Variants in CBR4 observed in about 807,000 individuals in gnomAD.
CBR4 encodes carbonyl reductase 4.
CBR4 carries 22 observed loss-of-function variants against 21.0 expected under a neutral mutation model. That is an observed-to-expected ratio of 1.05 (90% CI 0.75 to 1.50). The LOEUF (loss-of-function observed/expected upper bound fraction) is 1.50, where lower values mean the gene tolerates loss of function less well. Among genes scored for constraint, CBR4 ranks in the 40% most tolerant of loss-of-function variants. The pLI is 0.00. For missense variants in CBR4, 302 were observed against 286.3 expected (o/e 1.05, Z -0.40); for synonymous variants, 100 against 104.4 (o/e 0.96, Z 0.26).
chr4:168,991,290 C>T lies in CBR4; in HGVS notation c.536-962G>A, dbSNP rs1256708231. The stretch of plus-strand genomic sequence containing the variant: ...TGGTCACTTGCACACCCGATTATAA[C>T]GTAAAGAAGTCTGGTGAATATCCTG... On this transcript the variant is annotated intron_variant, in intron 4 of 4. Coordinates refer to ENST00000306193, the MANE Select transcript of CBR4 (RefSeq NM_032783.5). Among the ~76,000 whole-genome samples the T allele has an allele frequency of 5.3e-5, 8 of 152,056 alleles. 1 individual carries two copies. The highest frequency in any genetic ancestry group is 9.6e-5 in the African/African-American group (4 of 41,452).
chr4:168,914,988 C>T (rs984490431), intron 2 of CBR4, among the ~76,000 whole-genome samples: 2 of 152,190 alleles, frequency 1.3e-5, no homozygotes, highest in Non-Finnish European at 2.9e-5. Context: ...ATAGCATATA[C>T]AGGATTAGGT....
chr4:168,951,698 C>T (rs1488156905), intron 2 of CBR4, among the ~76,000 whole-genome samples: 1 of 152,174 alleles, frequency 6.6e-6, no homozygotes, highest in African/African-American at 2.4e-5. Context: ...ATACAAAATT[C>T]TTGGCTGATA....
intron 4 of CBR4, among the ~76,000 whole-genome samples, chr4:168,995,474 C>A (rs564393681): frequency 1.3e-5 from 2 of 152,124 alleles, no homozygotes; most frequent in Non-Finnish European, 2.9e-5. Context: ...CAGTGAGACA[C>A]TTTCAGGGAC....
At chr4:168,977,269 T>C (rs1764400976) in intron 2 of CBR4, among the ~76,000 whole-genome samples, 1 of 152,182 alleles carries the variant, frequency 6.6e-6, no homozygotes, top group African/African-American at 2.4e-5. Context: ...TTGTTAGCAA[T>C]CCATCTTATA....
intron 2 of CBR4, among the ~76,000 whole-genome samples, chr4:168,919,016 T>TA (rs1260400737): frequency 1.3e-5 from 2 of 152,120 alleles, no homozygotes; most frequent in African/African-American, 4.8e-5. Flanking sequence ...TTTTTAAATA[T>TA]AAAAAATAAG....
At chr4:168,943,019 G>C (rs536493059) in intron 2 of CBR4, among the ~76,000 whole-genome samples, 1 of 152,182 alleles carries the variant, frequency 6.6e-6, no homozygotes, top group African/African-American at 2.4e-5. Context: ...CTGTTGGTGG[G>C]AATGTAGACT....
Position 168,989,653 on chromosome 4 carries a change from T to C in CBR4, c.*497A>G. On this transcript the variant is annotated 3_prime_UTR_variant, in exon 5 of 5. Coordinates refer to ENST00000306193, the MANE Select transcript of CBR4 (RefSeq NM_032783.5). ...TTAACTTTTAGAAAATTCAGCTTGA[T>C]ACAAGAAAATAATTCATCATAATTA... 1 of 984,538 alleles carries C rather than the reference T, an allele frequency of 1.0e-6. No individual in the cohort carries two copies. Among genetic ancestry groups the C allele is most frequent in the Non-Finnish European group, 1.2e-6 (1 of 829,108 alleles). 61.0% of individuals were successfully genotyped at this position (984,538 alleles called of 1,614,324 possible). A position where few individuals can be genotyped will look rare whatever the true frequency, so the allele number is the denominator to read the frequency against.
At chr4:168,975,645 A>T (rs1487923926) in intron 2 of CBR4, among the ~76,000 whole-genome samples, 2 of 152,154 alleles carry the variant, frequency 1.3e-5, no homozygotes, top group Non-Finnish European at 2.9e-5. Flanking sequence ...AGGGCCACAG[A>T]GCTCCCTAGA....
Position 168,947,216 on chromosome 4 carries a change from A to G in CBR4, n.170-52451T>C, listed in dbSNP as rs115080142. 2.1e-3 allele frequency among the ~76,000 whole-genome samples: 325 copies of G among 152,214 alleles called. 2 individuals are homozygous for G. The highest frequency in any genetic ancestry group is 2.8e-3 in the Non-Finnish European group (193 of 68,008). ...TTTGGTTTACCCGTTTTAAAATTTAATAAGTTTCTATAGTTTCTTTTAGTC... is the reference window on the plus strand; with the variant it reads ...TTTGGTTTACCCGTTTTAAAATTTAGTAAGTTTCTATAGTTTCTTTTAGTC... On this transcript the variant is annotated intron_variant and non_coding_transcript_variant, in intron 2 of 3. Transcript: ENST00000509108.
chr4:168,924,344 G>C, intron 2 of CBR4: 1 of 1,613,930 alleles, frequency 6.2e-7, no homozygotes, highest in Non-Finnish European at 8.5e-7. Context: ...GGAATGTCGT[G>C]TATTGGGAGT....
chr4:168,899,700 T>C (rs1756038169), intron 2 of CBR4, among the ~76,000 whole-genome samples: 1 of 152,116 alleles, frequency 6.6e-6, no homozygotes, highest in Non-Finnish European at 1.5e-5. Context: ...GTGGATCACC[T>C]GAGCTCAGGA....
rs756201264 is a variant in CBR4, at chr4:168,990,313, T to C, written c.551A>G (p.Asp184Gly). ...TTCTTCTTTCAAGTCTTTCGTCATA[T>C]CTGTGTGTACAAATCCTAAAAGAGA... ...NVVAPGFVHT[D>G]MTKDLKEEHL... The change falls in exon 5 of 5, where the codon GAT becomes GGT. Residue 184 changes from aspartate (D) to glycine (G), a missense_variant. Transcript: ENST00000306193. 1 of 1,609,728 alleles carries C rather than the reference T, an allele frequency of 6.2e-7. No homozygotes were observed. The highest frequency in any genetic ancestry group is 8.5e-7 in the Non-Finnish European group (1 of 1,177,382).
At chr4:168,973,136 G>A (rs1168636353) in intron 2 of CBR4, among the ~76,000 whole-genome samples, 3 of 152,090 alleles carry the variant, frequency 2.0e-5, no homozygotes, top group Non-Finnish European at 2.9e-5. Flanking sequence ...ACTTGATCAT[G>A]GTGCATTATC....
In CBR4 at chr4:168,926,546, G is replaced by A. The variant is rs1762605064; in HGVS notation, n.170-31781C>T. 7 of 570,522 alleles carry A rather than the reference G, an allele frequency of 1.2e-5. No homozygotes were observed. The Admixed American group carries it at 1.6e-4, about 13-fold the overall frequency. 35.3% of individuals were successfully genotyped at this position (570,522 alleles called of 1,614,324 possible). On this transcript the variant is annotated intron_variant and non_coding_transcript_variant, in intron 2 of 3. Coordinates refer to the CBR4 transcript ENST00000509108. ...TTTCTTACTTGATATACCAAACTTAGTTTAAGTAGATAATGCTAATACAAA... is the reference window on the plus strand; with the variant it reads ...TTTCTTACTTGATATACCAAACTTAATTTAAGTAGATAATGCTAATACAAA...
Position 168,942,655 on chromosome 4 carries a change from G to A in CBR4, n.170-47890C>T, listed in dbSNP as rs148323965. Among the ~76,000 whole-genome samples, 1,391 of 152,046 alleles carry A rather than the reference G, an allele frequency of 9.1e-3. 21 individuals carry two copies. Among genetic ancestry groups the A allele is most frequent in the African/African-American group, 0.031 (1,303 of 41,486 alleles). On this transcript the variant is annotated intron_variant and non_coding_transcript_variant, in intron 2 of 3. Coordinates refer to the CBR4 transcript ENST00000509108. ...TAAATCAAACCAAAAGCTTGCGCAC[G>A]GCAAAGGAAATAATCAACACAGTGA...
chr4:168,992,770 G>GATAT lies in CBR4; in HGVS notation c.536-2446_536-2443dup, dbSNP rs544751810. Among the ~76,000 whole-genome samples, 30 of 152,010 alleles carry GATAT rather than the reference G, an allele frequency of 2.0e-4. No individual in the cohort carries two copies. The East Asian group carries it at 5.2e-3, about 26-fold the overall frequency. On this transcript the variant is annotated intron_variant, in intron 4 of 4. Coordinates refer to ENST00000306193, the MANE Select transcript of CBR4 (RefSeq NM_032783.5). The stretch of plus-strand genomic sequence containing the variant: ...TGCTCTTTCCAAACTGTCTACAACA[G>GATAT]ATATATATATTATTTTTGTATTCAG...
intron 2 of CBR4, among the ~76,000 whole-genome samples, chr4:168,953,388 G>C (rs1763598161): frequency 6.6e-6 from 1 of 152,106 alleles, no homozygotes; most frequent in Non-Finnish European, 1.5e-5. Flanking sequence ...AGTAGATTTA[G>C]AGGCTTAATA....
At chr4:168,992,062 C>T (rs189072700) in intron 4 of CBR4, among the ~76,000 whole-genome samples, 12 of 152,282 alleles carry the variant, frequency 7.9e-5, no homozygotes, top group Admixed American at 3.3e-4. Context: ...AATTACTTAA[C>T]TTTCCTTTCT....
intron 2 of CBR4, among the ~76,000 whole-genome samples, chr4:168,972,468 T>C (rs766098152): frequency 6.6e-6 from 1 of 152,228 alleles, no homozygotes; most frequent in Non-Finnish European, 1.5e-5. Flanking sequence ...AGCAGTGTTT[T>C]GTAGTTTTCC....
Sources: allele counts gnomAD v4.1 joint callset (sites outside exome capture counted in the v4.1 genomes callset), GRCh38; gene constraint gnomAD v4.1.1; transcripts MANE v1.5; gene names NCBI Gene and HGNC (gene_info 2026-07-23, HGNC 2026-07-21).